Variants in RBFOX1 observed in about 807,000 individuals in gnomAD.
RBFOX1 encodes RNA binding fox-1 homolog 1.
In RBFOX1, 8 loss-of-function variants were observed where a neutral mutation model predicts 57.7. The observed-to-expected ratio is 0.14, with a 90% confidence interval of 0.08 to 0.25. The LOEUF (loss-of-function observed/expected upper bound fraction) is 0.25. Ranked by LOEUF, RBFOX1 falls within the 10% of genes least tolerant of loss-of-function variation. The probability of loss-of-function intolerance (pLI) is 1.00; values close to 1 mark genes in which losing one functional copy is unlikely to be tolerated. For missense variants in RBFOX1, 611 were observed against 548.5 expected (o/e 1.11, Z -1.14); for synonymous variants, 326 against 222.4 (o/e 1.47, Z -4.15).
At chr16:7,341,331 T>C (rs17562492) in intron 4 of RBFOX1, among the ~76,000 whole-genome samples, 70,682 of 151,944 alleles carry the variant, frequency 0.47, 18,663 homozygotes, top group East Asian at 0.87. Context: ...CTTGTAAAAC[T>C]AGGAGGCAAA....
At chr16:7,059,398 A>G (rs2053546209) in intron 4 of RBFOX1, among the ~76,000 whole-genome samples, 1 of 152,176 alleles carries the variant, frequency 6.6e-6, no homozygotes, top group Non-Finnish European at 1.5e-5. Context: ...TTCAAGAAAT[A>G]TTTTTTGAGC....
intron 2 of RBFOX1, among the ~76,000 whole-genome samples, chr16:6,643,189 T>G (rs1261139386): frequency 6.6e-6 from 1 of 152,202 alleles, no homozygotes; most frequent in African/African-American, 2.4e-5. Flanking sequence ...ATTGAGAAAT[T>G]TAAAAAGTTT....
intron 1 of RBFOX1, among the ~76,000 whole-genome samples, chr16:5,433,922 G>A (rs1275265418): frequency 1.3e-5 from 2 of 152,146 alleles, no homozygotes; most frequent in South Asian, 2.1e-4. Context: ...TGCTTCCACT[G>A]TGCAGTCACT....
At chr16:6,079,995 C>G (rs2095975381) in intron 1 of RBFOX1, among the ~76,000 whole-genome samples, 1 of 152,192 alleles carries the variant, frequency 6.6e-6, no homozygotes, top group African/African-American at 2.4e-5. Flanking sequence ...TTGAGGCTTA[C>G]AACCATGTAA....
chr16:7,060,212 A>T (rs930665236), intron 4 of RBFOX1, among the ~76,000 whole-genome samples: 12 of 152,202 alleles, frequency 7.9e-5, no homozygotes, highest in African/African-American at 2.4e-4. Flanking sequence ...AATAGCACAA[A>T]AGCAGCCATA....
chr16:7,020,327 G>A (rs1457395250), intron 3 of RBFOX1, among the ~76,000 whole-genome samples: 2 of 152,068 alleles, frequency 1.3e-5, no homozygotes, highest in Non-Finnish European at 2.9e-5. Flanking sequence ...CCAGGTTCAA[G>A]TGATTCTCCT....
chr16:6,972,456 G>A (rs1390712179), intron 3 of RBFOX1, among the ~76,000 whole-genome samples: 1 of 152,086 alleles, frequency 6.6e-6, no homozygotes, highest in Non-Finnish European at 1.5e-5. Flanking sequence ...CCCTTATGTG[G>A]AATGGATACA....
chr16:7,187,951 A>G (rs746570161), intron 4 of RBFOX1, among the ~76,000 whole-genome samples: 10 of 152,196 alleles, frequency 6.6e-5, no homozygotes, highest in Non-Finnish European at 1.3e-4. Context: ...GCACTTTAAG[A>G]ATCAACTCAC....
intron 3 of RBFOX1, among the ~76,000 whole-genome samples, chr16:6,773,452 G>C (rs376450091): frequency 2.1e-5 from 3 of 143,902 alleles, no homozygotes; most frequent in African/African-American, 7.8e-5. Flanking sequence ...GGGGGCATAG[G>C]GTGCAATTGT....
rs184472445 is a variant in RBFOX1 at position 6,500,458 on chromosome 16, C to G, written c.-63-154145C>G. ...AGCACAGTGACTCCAAATTGCAGCT[C>G]CAACACCTAGTACTTGGCCAAGGGT... On this transcript the variant is annotated intron_variant, in intron 2 of 15. Coordinates refer to ENST00000550418, the MANE Select transcript of RBFOX1 (RefSeq NM_018723.4). Among the ~76,000 whole-genome samples the G allele has an allele frequency of 1.4e-4, 21 of 152,220 alleles. No individual in the cohort carries two copies. The East Asian group carries it at 3.9e-3, about 28-fold the overall frequency.
intron 4 of RBFOX1, among the ~76,000 whole-genome samples, chr16:5,901,295 A>G (rs1046549885): frequency 3.3e-5 from 5 of 152,122 alleles, no homozygotes; most frequent in African/African-American, 9.7e-5. Context: ...AAACAATTTT[A>G]TGCTCTGGTA....
chr16:6,317,551 AAAG>A (rs1421175065), intron 2 of RBFOX1, among the ~76,000 whole-genome samples: 1 of 152,202 alleles, frequency 6.6e-6, no homozygotes, highest in Admixed American at 6.6e-5. Context: ...TGCAAAAAAA[AAAG>A]AAATTTTTTA....
intron 1 of RBFOX1, among the ~76,000 whole-genome samples, chr16:5,465,181 A>G (rs929608010): frequency 1.3e-5 from 2 of 152,192 alleles, no homozygotes; most frequent in African/African-American, 4.8e-5. Flanking sequence ...TCGAGGTGTC[A>G]GCAGGATTGG....
chr16:6,207,496 G>T (rs1405600235), intron 1 of RBFOX1, among the ~76,000 whole-genome samples: 1 of 152,078 alleles, frequency 6.6e-6, no homozygotes, highest in African/African-American at 2.4e-5. Flanking sequence ...ACATTTTGTG[G>T]GGAGGTGGTT....
At chr16:6,865,067 A>C (rs1000388214) in intron 3 of RBFOX1, among the ~76,000 whole-genome samples, 1 of 122,100 alleles carries the variant, frequency 8.2e-6, no homozygotes, top group Non-Finnish European at 1.6e-5. Context: ...CAGTGGCGCG[A>C]TCTTGGCTCA....
chr16:5,589,456 A>T (rs528021777), intron 2 of RBFOX1, among the ~76,000 whole-genome samples: 1 of 152,256 alleles, frequency 6.6e-6, no homozygotes, highest in South Asian at 2.1e-4. Flanking sequence ...AACACATAAC[A>T]TTATTATGTC....
intron 2 of RBFOX1, among the ~76,000 whole-genome samples, chr16:6,512,196 A>G (rs2096268310): frequency 6.9e-6 from 1 of 145,870 alleles, no homozygotes; most frequent in African/African-American, 2.5e-5. Flanking sequence ...AGGTCGTAGG[A>G]TTGCTTGAGC....
At chr16:7,402,856 T>C (rs2098268248) in intron 4 of RBFOX1, among the ~76,000 whole-genome samples, 1 of 152,174 alleles carries the variant, frequency 6.6e-6, no homozygotes, top group Non-Finnish European at 1.5e-5. Context: ...AAGGGGGACA[T>C]CACCTAACTC....
At chr16:6,788,605 A>G (rs1310078152) in intron 3 of RBFOX1, among the ~76,000 whole-genome samples, 1 of 151,804 alleles carries the variant, frequency 6.6e-6, no homozygotes, top group Non-Finnish European at 1.5e-5. Context: ...CCTCCCGAGT[A>G]GCTGGAACTA....
Sources: allele counts gnomAD v4.1 joint callset (sites outside exome capture counted in the v4.1 genomes callset), GRCh38; gene constraint gnomAD v4.1.1; transcripts MANE v1.5; gene names NCBI Gene and HGNC (gene_info 2026-07-23, HGNC 2026-07-21).